The following FAM120C variants were observed in gnomAD, a reference collection of about 807,000 sequenced individuals.
The protein encoded by FAM120C is constitutive coactivator of PPAR-gamma-like protein 2.
Under a neutral mutation model 71.2 loss-of-function variants are expected in FAM120C, and 14 were observed. The ratio of observed to expected loss-of-function variants is 0.20; its 90% CI spans 0.13 to 0.31. FAM120C has a LOEUF of 0.31. FAM120C is among the 10% of genes least tolerant of loss of function. The pLI is 1.00. For missense variants in FAM120C, 500 were observed against 879.0 expected, an observed-to-expected ratio of 0.57 and a Z score of 5.45; for synonymous variants, 354 against 353.2, an observed-to-expected ratio of 1.00 and a Z score of -0.03.
At chrX:54,182,059 T>A (rs2067353140) in intron 1 of FAM120C, among the ~76,000 whole-genome samples, 1 of 111,932 alleles carries the variant, frequency 8.9e-6, no homozygotes, top group Non-Finnish European at 1.9e-5. Flanking sequence ...AGGTGTTCAG[T>A]TCACACCTGC....
At chrX:54,138,448 C>T (rs1048698562) in intron 4 of FAM120C, among the ~76,000 whole-genome samples, 1 of 93,172 alleles carries the variant, frequency 1.1e-5, no homozygotes, top group Admixed American at 1.4e-4. Context: ...TGCAGTGAGC[C>T]GAAATTGTGC....
At position 54,132,846 on chromosome X, in the gene FAM120C, G is replaced by A. The variant is rs782685139; in HGVS notation, c.1908C>T (p.Pro636=). The change falls in exon 9 of 16, where the codon CCC becomes CCT. Residue 636 remains proline, a synonymous_variant. Transcript: ENST00000375180. ...HVLTKGEIKI[P]VCIEDECNME... is the part of the protein sequence containing the mutation. ...TGTTACACTCATCCTCAATACATAC[G>A]GGGATCTTAATTTCACCCTAACAAG... 3.4e-6 allele frequency: 4 copies of A among 1,190,989 alleles called. No homozygotes were observed. Among genetic ancestry groups the A allele is most frequent in the East Asian group, 3.0e-5 (1 of 33,455 alleles).
intron 4 of FAM120C, among the ~76,000 whole-genome samples, chrX:54,143,897 T>C (rs55713682): frequency 1.6e-3 from 178 of 111,651 alleles, no homozygotes; most frequent in African/African-American, 5.5e-3. Context: ...TGATGAACAT[T>C]GATGCAAAAA....
At chrX:54,176,136 A>C (rs1270899337) in intron 1 of FAM120C, among the ~76,000 whole-genome samples, 1 of 111,565 alleles carries the variant, frequency 9.0e-6, no homozygotes, top group Admixed American at 9.5e-5. Context: ...TTTGGCTATA[A>C]AAAGTAGAGA....
intron 10 of FAM120C, among the ~76,000 whole-genome samples, chrX:54,094,841 G>A (rs1557123054): frequency 9.1e-6 from 1 of 109,707 alleles, no homozygotes; most frequent in African/African-American, 3.3e-5. Flanking sequence ...GGAGGCAGAG[G>A]TTGCAGTGAG....
chrX:54,143,831 C>G lies in FAM120C; in HGVS notation c.1159-7241G>C, dbSNP rs1261293446. On this transcript the variant is annotated intron_variant, in intron 4 of 15. Transcript: ENST00000375180. ...CTCATTTTATGAGGCCAGCATCATC[C>G]TGATACCAAAGCCTGGCAGAGACAC... 2.7e-5 allele frequency among the ~76,000 whole-genome samples: 3 copies of G among 111,671 alleles called. No homozygotes were observed. In the Admixed American group the frequency reaches 2.9e-4, roughly 11 times the overall value.
intron 10 of FAM120C, among the ~76,000 whole-genome samples, chrX:54,096,058 A>C (rs2066849974): frequency 8.9e-6 from 1 of 112,240 alleles, no homozygotes. Context: ...AAAAAGCATA[A>C]AGAAAATAAA....
chrX:54,130,779 A>G (rs1168904247), intron 9 of FAM120C, among the ~76,000 whole-genome samples: 18 of 111,669 alleles, frequency 1.6e-4, no homozygotes, highest in African/African-American at 5.9e-4. Flanking sequence ...GCTGGAGTAC[A>G]GAGATTATTA....
intron 8 of FAM120C, among the ~76,000 whole-genome samples, chrX:54,133,094 G>T (rs1366884442): frequency 1.8e-5 from 2 of 112,293 alleles, no homozygotes; most frequent in Non-Finnish European, 3.8e-5. Context: ...GCTCATGCCT[G>T]TAATCCCAGC....
At chrX:54,088,483 T>C (rs1331571347) in intron 11 of FAM120C, among the ~76,000 whole-genome samples, 5 of 101,949 alleles carry the variant, frequency 4.9e-5, no homozygotes, top group Non-Finnish European at 7.8e-5. Flanking sequence ...TTCCAGCTAC[T>C]AGGGAGGCTG....
rs1173356625 is a variant in FAM120C, at chrX:54,163,963, C to T, written c.700-4347G>A. ...ATTTTTTTTTTTTGAGACAGAGTCT[C>T]GCTCTGTTGCCCAGGCTGGAGTGCA... is the stretch of plus-strand genomic sequence containing the variant. On this transcript the variant is annotated intron_variant, in intron 1 of 15. Transcript: ENST00000375180. 4.7e-5 allele frequency among the ~76,000 whole-genome samples: 5 copies of T among 106,975 alleles called. No homozygotes were observed. In the South Asian group the frequency reaches 1.6e-3, roughly 35 times the overall value. The allele number at this position is 106,975 out of a possible 115,157, so 92.9% of individuals were successfully genotyped here.
At chrX:54,079,238 G>C (rs1557121022) in intron 15 of FAM120C, among the ~76,000 whole-genome samples, 1 of 97,365 alleles carries the variant, frequency 1.0e-5, no homozygotes, top group Non-Finnish European at 2.0e-5. Context: ...CTCCAGCCTG[G>C]ACAGCAGAGC....
intron 13 of FAM120C, among the ~76,000 whole-genome samples, chrX:54,083,869 G>A (rs192538834): frequency 2.0e-3 from 225 of 110,393 alleles, no homozygotes; most frequent in African/African-American, 6.1e-3. Flanking sequence ...ACAGGTGCCC[G>A]CCACCATGCC....
chrX:54,086,351 G>A (rs2066794090), intron 12 of FAM120C, among the ~76,000 whole-genome samples: 1 of 112,048 alleles, frequency 8.9e-6, no homozygotes, highest in African/African-American at 3.2e-5. Context: ...GATACCTCTA[G>A]TACAAAGGTC....
chrX:54,112,885 G>T (rs2066945222), intron 10 of FAM120C, among the ~76,000 whole-genome samples: 1 of 104,235 alleles, frequency 9.6e-6, no homozygotes, highest in African/African-American at 3.5e-5. Flanking sequence ...CCAGGCATGG[G>T]GGCACATGCC....
chrX:54,116,332 A>G (rs887894015), intron 10 of FAM120C, among the ~76,000 whole-genome samples: 1 of 111,307 alleles, frequency 9.0e-6, no homozygotes, highest in African/African-American at 3.3e-5. Context: ...AACTAAAACC[A>G]AATATAAAAG....
At chrX:54,081,258 T>TCCCAAGGAGGCC (rs2066763248) in intron 14 of FAM120C, 64 bp downstream of exon 14, 5 of 1,090,776 alleles carry the variant, frequency 4.6e-6, no homozygotes, top group Admixed American at 5.8e-5. Flanking sequence ...CTAGGCATTT[T>TCCCAAGGAGGCC]TCCAAGGAGG....
chrX:54,156,243 G>A (rs187960732), intron 3 of FAM120C, among the ~76,000 whole-genome samples: 1 of 108,726 alleles, frequency 9.2e-6, no homozygotes, highest in Admixed American at 1.0e-4. Context: ...ATGAAAGAAC[G>A]AGGGAAATAG....
At chrX:54,167,844 T>C (rs1454366765) in intron 1 of FAM120C, among the ~76,000 whole-genome samples, 1 of 107,797 alleles carries the variant, frequency 9.3e-6, no homozygotes, top group Non-Finnish European at 1.9e-5. Context: ...GGCAGGTGCC[T>C]GTAGTACCAG....
Sources: gnomAD v4.1 joint callset for allele counts (sites outside exome capture counted in the v4.1 genomes callset) on GRCh38, gnomAD v4.1.1 for gene constraint, MANE v1.5 for transcripts, NCBI Gene and HGNC (gene_info 2026-07-23, HGNC 2026-07-21) for gene names.